Variants in INPPL1 observed in about 807,000 individuals in gnomAD.
The protein encoded by INPPL1 is phosphatidylinositol 3,4,5-trisphosphate 5-phosphatase 2.
A neutral mutation model predicts 139.3 loss-of-function variants in INPPL1; 91 were observed. That is an observed-to-expected ratio of 0.65 (90% confidence interval 0.55 to 0.78). The LOEUF is 0.78. Among genes scored for constraint, INPPL1 ranks in the 30% least tolerant of loss-of-function variants. INPPL1 has a pLI of 0.00. For missense variants in INPPL1, 1,411 were observed against 1,665.6 expected (o/e 0.85, Z 2.66); for synonymous variants, 719 against 686.6 (o/e 1.05, Z -0.74).
In INPPL1 at chr11:72,230,450, C is replaced by G. The variant is rs769465922; in HGVS notation, c.1179C>G (p.Phe393Leu). 6.2e-7 allele frequency: 1 copy of G among 1,613,884 alleles called. No individual in the cohort carries two copies. Among genetic ancestry groups the G allele is most frequent in the Non-Finnish European group, 8.5e-7 (1 of 1,180,030 alleles). The change falls in exon 10 of 28, where the codon TTC becomes TTG. Residue 393 changes from phenylalanine (F) to leucine (L), a missense_variant. Physicochemically the swap from Phe to Leu is conservative, Grantham distance 22. This residue lies in a region of INPPL1 where 504 missense variants were observed against 595.6 expected (regional missense o/e 0.85). Coordinates refer to ENST00000298229, the MANE Select transcript of INPPL1 (RefSeq NM_001567.4). Reference protein sequence around the residue: ...KEKDRTQRKDFIFVSARKREA... With the variant: ...KEKDRTQRKDLIFVSARKREA... ...AGGACCGGACTCAGCGCAAGGACTT[C>G]ATCTTTGTCAGTGCCCGGGTGAGCA...
intron 10 of INPPL1, 57 bp downstream of exon 10, chr11:72,230,525 C>T (rs1948803651): frequency 6.7e-7 from 1 of 1,496,080 alleles, no homozygotes; most frequent in Admixed American, 1.7e-5. Context: ...CACATGGGTG[C>T]TTCCCATTGG....
chr11:72,234,517 C>G lies in INPPL1; in HGVS notation c.2327-10C>G. On this transcript the variant is annotated splice_polypyrimidine_tract_variant and intron_variant, in intron 20 of 27. Transcript: ENST00000298229. The surrounding 1 kb of genome is among the most constrained non-coding windows in gnomAD (Gnocchi z 4.2). ...GGTGCTCAGTTGGGTGTCTCCCACC[C>G]CCACCCCAGAATACAAGAAGAGCTT... The G allele has an allele frequency of 6.2e-7, 1 of 1,602,248 alleles. No individual in the cohort carries two copies. Among genetic ancestry groups the G allele is most frequent in the South Asian group, 1.1e-5 (1 of 90,828 alleles).
Position 72,231,048 on chromosome 11 carries a change from G to T in INPPL1, c.1356G>T (p.Gly452=), listed in dbSNP as rs1366159044. The T allele has an allele frequency of 1.2e-6, 2 of 1,614,022 alleles. No homozygotes were observed. Among genetic ancestry groups the T allele is most frequent in the African/African-American group, 2.7e-5 (2 of 74,920 alleles). ...CCTGGTTCACATCGAAGGGTCTGGG[G>T]AAGACCCTGGACGAGGTCACAGTGA... ...VTSWFTSKGL[G]KTLDEVTVTI... The change falls in exon 12 of 28, where the codon GGG becomes GGT. Residue 452 remains glycine (G), a synonymous_variant. Transcript: ENST00000298229.
chr11:72,230,625 C>T, intron 10 of INPPL1, 157 bp downstream of exon 10: 1 of 863,402 alleles, frequency 1.2e-6, no homozygotes, highest in Non-Finnish European at 1.8e-6. Flanking sequence ...GAACGGGTGG[C>T]CTGAGGGTGG....
rs558748277 is a variant in INPPL1 at position 72,238,636 on chromosome 11, G to A, written c.*283G>A. On this transcript the variant is annotated 3_prime_UTR_variant, in exon 28 of 28. Coordinates refer to ENST00000298229, the MANE Select transcript of INPPL1 (RefSeq NM_001567.4). The stretch of plus-strand genomic sequence containing the variant: ...GTGCTGTCCTGTTTTACTGGACCCC[G>A]CCTCCCAGCCCCAGGGGTGCCTGTG... 2 of 269,238 alleles carry A rather than the reference G, an allele frequency of 7.4e-6. No individual in the cohort carries two copies. Among genetic ancestry groups the A allele is most frequent in the African/African-American group, 2.2e-5 (1 of 45,486 alleles). The allele number at this position is 269,238 out of a possible 1,614,324, so 16.7% of individuals were successfully genotyped here.
chr11:72,235,378 G>A lies in INPPL1; in HGVS notation c.2586G>A (p.Glu862=), dbSNP rs1165515437. The A allele has an allele frequency of 1.2e-6, 2 of 1,614,000 alleles. No homozygotes were observed. Among genetic ancestry groups the A allele is most frequent in the Non-Finnish European group, 8.5e-7 (1 of 1,180,034 alleles). Residue 862 remains glutamate (E), a synonymous_variant, in exon 23 of 28, where the codon GAG becomes GAA. Transcript: ENST00000298229. This position sits in a 1 kb window ranked among gnomAD's most constrained non-coding sequence, Gnocchi z 4.9. ...FLTFLSHRGE[E]TGNIRGSMKV... is the part of the protein sequence containing the mutation. ...CCTTCCTATCCCACCGTGGCGAGGA[G>A]ACAGGCAATATCAGAGGCTCCATGA...
In INPPL1 at chr11:72,224,887, G is replaced by A. The variant is rs1948622564; in HGVS notation, c.-98G>A. The A allele has an allele frequency of 4.6e-5, 40 of 875,356 alleles. No homozygotes were observed. The South Asian group carries it at 1.7e-3, about 38-fold the overall frequency. The allele number at this position is 875,356 out of a possible 1,614,324, so 54.2% of individuals were successfully genotyped here. A position where few individuals can be genotyped will look rare whatever the true frequency, so the allele number is the denominator to read the frequency against. On this transcript the variant is annotated 5_prime_UTR_variant, in exon 1 of 28. Transcript: ENST00000298229. ...CTCTGTCCGGCCCACGGATCCTCAA[G>A]CCCGGGCCCCGGGCCCGGCCCCAGC...
chr11:72,234,671 A>G lies in INPPL1; in HGVS notation c.2415+56A>G. ...GGTGAGGGCACAGAGAGGGGTACAT[A>G]AGAGTTTATTGGAGAGCCTGCCTGG... On this transcript the variant is annotated intron_variant, in intron 21 of 27. Coordinates refer to ENST00000298229, the MANE Select transcript of INPPL1 (RefSeq NM_001567.4). The surrounding 1 kb of genome is among the most constrained non-coding windows in gnomAD (Gnocchi z 4.2). 7.6e-7 allele frequency: 1 copy of G among 1,310,292 alleles called. No homozygotes were observed. Among genetic ancestry groups the G allele is most frequent in the Non-Finnish European group, 1.1e-6 (1 of 910,364 alleles). The allele number at this position is 1,310,292 out of a possible 1,614,324, so 81.2% of individuals were successfully genotyped here. A position where few individuals can be genotyped will look rare whatever the true frequency, so the allele number is the denominator to read the frequency against.
At chr11:72,231,391 G>A in intron 12 of INPPL1, 107 bp from the exon 13 acceptor site, 1 of 1,021,102 alleles carries the variant, frequency 9.8e-7, no homozygotes, top group Non-Finnish European at 1.5e-6. Context: ...AAGAGGGGTG[G>A]CAAGCCTTCC....
At chr11:72,229,629 A>G (rs1948773983) in intron 6 of INPPL1, 34 bp from the exon 7 acceptor site, 1 of 1,611,660 alleles carries the variant, frequency 6.2e-7, no homozygotes, top group South Asian at 1.1e-5. Flanking sequence ...TGCTTAGGTG[A>G]CTCATGTACA....
In INPPL1 at chr11:72,235,779, A is replaced by C; in HGVS notation, c.2738+26A>C. On this transcript the variant is annotated intron_variant, in intron 24 of 27. Coordinates refer to ENST00000298229, the MANE Select transcript of INPPL1 (RefSeq NM_001567.4). This position sits in a 1 kb window ranked among gnomAD's most constrained non-coding sequence, Gnocchi z 4.9. ...GTGAGCTAGGGCTGTGTTGAATGTC[A>C]TATGAAAGGGTACCTGGGGGCATCT... 1 of 1,614,010 alleles carries C rather than the reference A, an allele frequency of 6.2e-7. No homozygotes were observed. The highest frequency in any genetic ancestry group is 8.5e-7 in the Non-Finnish European group (1 of 1,179,942).
chr11:72,228,215 C>T lies in INPPL1; in HGVS notation c.208C>T (p.Arg70Cys), dbSNP rs771645618. ...VLYQKHVHTY[R>C]ILPDGEDFLA... ...GTATCAGAAGCATGTGCACACGTATCGCATTCTGCCTGATGGAGAAGATTT... is the reference window on the plus strand; with the variant it reads ...GTATCAGAAGCATGTGCACACGTATTGCATTCTGCCTGATGGAGAAGATTT... The change falls in exon 2 of 28, where the codon CGC becomes TGC. Residue 70 changes from arginine to cysteine, a missense_variant. Transcript: ENST00000298229. The surrounding 1 kb of genome is among the most constrained non-coding windows in gnomAD (Gnocchi z 5.0). 14 of 1,613,986 alleles carry T rather than the reference C, an allele frequency of 8.7e-6. No homozygotes were observed. The highest frequency in any genetic ancestry group is 1.2e-5 in the Non-Finnish European group (14 of 1,180,002).
intron 12 of INPPL1, 144 bp downstream of exon 12, chr11:72,231,333 T>A: frequency 1.0e-6 from 1 of 966,390 alleles, no homozygotes; most frequent in Non-Finnish European, 1.6e-6. Flanking sequence ...AGATCTGACC[T>A]GAGTCCTTCA....
rs781247290 is a variant in INPPL1 at position 72,231,033 on chromosome 11, A to G, written c.1341A>G (p.Thr447=). 2.5e-6 allele frequency: 4 copies of G among 1,613,946 alleles called. No individual in the cohort carries two copies. In the African/African-American group the frequency reaches 5.3e-5, roughly 22 times the overall value. The part of the protein sequence containing the change: ...PPPKNVTSWF[T]SKGLGKTLDE... ...CAAAAAACGTGACATCCTGGTTCAC[A>G]TCGAAGGGTCTGGGGAAGACCCTGG... The change falls in exon 12 of 28, where the codon ACA becomes ACG. Residue 447 remains threonine (T), a synonymous_variant. Transcript: ENST00000298229.
chr11:72,225,743 A>G (rs1480897830), intron 1 of INPPL1, among the ~76,000 whole-genome samples: 6 of 152,164 alleles, frequency 3.9e-5, no homozygotes, highest in African/African-American at 1.4e-4. Context: ...TTCTGAACCA[A>G]TGAGTGAGTG....
Position 72,228,753 on chromosome 11 carries a change from C to A in INPPL1, c.424C>A (p.Pro142Thr). ...TGGGGAGGATGAGAAGCCCCCGCTG[C>A]CCCCGCGCTCTGGCTCCACCAGCAT... ...SDGEDEKPPL[P>T]PRSGSTSISA... The change falls in exon 4 of 28, where the codon CCC (proline) becomes ACC (threonine). Residue 142 changes from proline to threonine, a missense_variant. Physicochemically the swap from Pro to Thr is conservative, Grantham distance 38. This residue lies in a region of INPPL1 where 504 missense variants were observed against 595.6 expected (regional missense o/e 0.85). Coordinates refer to ENST00000298229, the MANE Select transcript of INPPL1 (RefSeq NM_001567.4). This position sits in a 1 kb window ranked among gnomAD's most constrained non-coding sequence, Gnocchi z 5.0. 6.2e-7 allele frequency: 1 copy of A among 1,608,090 alleles called. No individual in the cohort carries two copies. Among genetic ancestry groups the A allele is most frequent in the Non-Finnish European group, 8.5e-7 (1 of 1,176,784 alleles).
At position 72,228,882 on chromosome 11, in the gene INPPL1, C is replaced by T. The variant is rs765934266; in HGVS notation, c.518+35C>T. On this transcript the variant is annotated intron_variant, in intron 4 of 27. Coordinates refer to ENST00000298229, the MANE Select transcript of INPPL1 (RefSeq NM_001567.4). This position sits in a 1 kb window ranked among gnomAD's most constrained non-coding sequence, Gnocchi z 5.0. ...CCATCCCATCCACTGAACAGGAGACCCTTTCTCCTCTGAGAACTATTTCCC... is the reference window on the plus strand; with the variant it reads ...CCATCCCATCCACTGAACAGGAGACTCTTTCTCCTCTGAGAACTATTTCCC... The T allele has an allele frequency of 5.8e-6, 9 of 1,544,618 alleles. No individual in the cohort carries two copies. The highest frequency in any genetic ancestry group is 1.3e-5 in the South Asian group (1 of 79,526).
At position 72,231,370 on chromosome 11, in the gene INPPL1, A is replaced by G. The variant is rs1036677802; in HGVS notation, c.1498-128A>G. ...GCCACGAGAGGAACCATTTCTCTCC[A>G]GTCCGTCAGGAAGAGGGGTGGCAAG... is the stretch of plus-strand genomic sequence containing the variant. On this transcript the variant is annotated intron_variant, in intron 12 of 27. Coordinates refer to ENST00000298229, the MANE Select transcript of INPPL1 (RefSeq NM_001567.4). The G allele has an allele frequency of 1.7e-5, 16 of 929,684 alleles. No individual in the cohort carries two copies. In the African/African-American group the frequency reaches 2.4e-4, roughly 14 times the overall value. 57.6% of individuals were successfully genotyped at this position (929,684 alleles called of 1,614,324 possible).
At position 72,235,319 on chromosome 11, in the gene INPPL1, T is replaced by G; in HGVS notation, c.2527T>G (p.Ser843Ala). 1 of 1,614,042 alleles carries G rather than the reference T, an allele frequency of 6.2e-7. No individual in the cohort carries two copies. The highest frequency in any genetic ancestry group is 1.1e-5 in the South Asian group (1 of 91,080). The stretch of plus-strand genomic sequence containing the variant: ...AGGGGAGTGTGTGGTTGCACTCAAA[T>G]CCATGATCGGCAGCACGGCCCAACA... ...SYGECVVALK[S>A]MIGSTAQQFL... The change falls in exon 23 of 28, where the codon TCC (serine) becomes GCC (alanine). Residue 843 changes from serine (S) to alanine (A), a missense_variant. This residue lies in a region of INPPL1 where 99 missense variants were observed against 171.6 expected (regional missense o/e 0.58). Transcript: ENST00000298229. This position sits in a 1 kb window ranked among gnomAD's most constrained non-coding sequence, Gnocchi z 4.9.
Sources: gnomAD v4.1 joint callset for allele counts (sites outside exome capture counted in the v4.1 genomes callset) on GRCh38, gnomAD v4.1.1 for gene constraint, gnomAD v4.1.1 regional missense constraint, Gnocchi (gnomAD v3.1) non-coding constraint, MANE v1.5 for transcripts, NCBI Gene and HGNC (gene_info 2026-07-23, HGNC 2026-07-21) for gene names.